CDH13: variants seen among roughly 807,000 people sequenced by gnomAD.
The protein encoded by CDH13 is cadherin 13.
A neutral mutation model predicts 63.8 loss-of-function variants in CDH13; 24 were observed. The observed-to-expected ratio is 0.38, with a 90% confidence interval of 0.27 to 0.53. The LOEUF is 0.53. Among genes scored for constraint, CDH13 ranks in the 20% least tolerant of loss-of-function variants. The pLI is 0.85. For synonymous variants in CDH13, 503 were observed against 355.3 expected (o/e 1.42, Z -4.67); for missense variants, 1,049 against 903.1 (o/e 1.16, Z -2.07).
intron 2 of CDH13, among the ~76,000 whole-genome samples, chr16:83,025,242 A>G (rs1017569545): frequency 6.6e-6 from 1 of 152,174 alleles, no homozygotes; most frequent in South Asian, 2.1e-4. Flanking sequence ...TGCCCACTCT[A>G]TGGATAAAGA....
chr16:83,330,692 C>T (rs1046643618), intron 5 of CDH13, among the ~76,000 whole-genome samples: 1 of 152,154 alleles, frequency 6.6e-6, no homozygotes, highest in Non-Finnish European at 1.5e-5. Flanking sequence ...TGGTACTGAC[C>T]ACCTTCCTCA....
At chr16:83,774,910 A>G (rs1021679615) in intron 11 of CDH13, among the ~76,000 whole-genome samples, 7 of 152,038 alleles carry the variant, frequency 4.6e-5, no homozygotes, top group African/African-American at 1.4e-4. Flanking sequence ...TGAACTGTAC[A>G]CTTCAAAGTG....
At chr16:82,749,171 G>C (rs575480105) in intron 1 of CDH13, among the ~76,000 whole-genome samples, 21 of 152,070 alleles carry the variant, frequency 1.4e-4, no homozygotes, top group Non-Finnish European at 2.8e-4. Flanking sequence ...GAGAGAGAGA[G>C]AGACAGAGAG....
chr16:83,344,120 T>A (rs1177988416), intron 5 of CDH13, among the ~76,000 whole-genome samples: 3 of 152,228 alleles, frequency 2.0e-5, no homozygotes, highest in African/African-American at 7.2e-5. Flanking sequence ...ATTACTCTTA[T>A]CGCTGAGTTA....
At chr16:82,834,517 C>T (rs974282581) in intron 1 of CDH13, among the ~76,000 whole-genome samples, 4 of 152,256 alleles carry the variant, frequency 2.6e-5, no homozygotes, top group East Asian at 1.9e-4. Context: ...ATTGGTGAAG[C>T]GTAGTCATTC....
chr16:82,874,054 G>A (rs1028583837), intron 2 of CDH13, among the ~76,000 whole-genome samples: 2 of 66,770 alleles, frequency 3.0e-5, no homozygotes, highest in Non-Finnish European at 5.6e-5. Flanking sequence ...ATAATAAGAT[G>A]CACACATTGT....
At chr16:83,435,460 A>T (rs2072266614) in intron 6 of CDH13, among the ~76,000 whole-genome samples, 1 of 151,778 alleles carries the variant, frequency 6.6e-6, no homozygotes, top group South Asian at 2.1e-4. Flanking sequence ...GCAACATCTA[A>T]CTCTGATGTG....
intron 5 of CDH13, among the ~76,000 whole-genome samples, chr16:83,311,341 T>A (rs191974459): frequency 2.0e-5 from 3 of 151,862 alleles, no homozygotes; most frequent in African/African-American, 7.3e-5. Flanking sequence ...AAAAAAAAAT[T>A]AAAAAGTAAA....
chr16:82,813,408 TC>T (rs1299046349), intron 1 of CDH13, among the ~76,000 whole-genome samples: 3 of 152,140 alleles, frequency 2.0e-5, no homozygotes, highest in Non-Finnish European at 4.4e-5. Context: ...GTTGCATGAC[TC>T]TCAAGATGCA....
At chr16:83,291,473 C>G (rs1045283999) in intron 5 of CDH13, among the ~76,000 whole-genome samples, 76 of 152,136 alleles carry the variant, frequency 5.0e-4, no homozygotes, top group Admixed American at 6.6e-4. Flanking sequence ...AAAATTGGGA[C>G]AAAGTCATCA....
At chr16:83,414,934 G>A (rs1174231313) in intron 6 of CDH13, among the ~76,000 whole-genome samples, 1 of 151,914 alleles carries the variant, frequency 6.6e-6, no homozygotes, top group African/African-American at 2.4e-5. Context: ...CAATATTTTT[G>A]GACAAATACC....
chr16:82,648,283 C>T (rs966976282), intron 1 of CDH13, among the ~76,000 whole-genome samples: 15 of 152,056 alleles, frequency 9.9e-5, no homozygotes, highest in African/African-American at 2.4e-4. Flanking sequence ...AAAATATGTA[C>T]AAAATACATT....
At chr16:83,245,769 G>A (rs1205716036) in intron 5 of CDH13, among the ~76,000 whole-genome samples, 1 of 151,964 alleles carries the variant, frequency 6.6e-6, no homozygotes, top group Non-Finnish European at 1.5e-5. Context: ...CTGAGGCAGG[G>A]TCTCACCCTG....
intron 2 of CDH13, among the ~76,000 whole-genome samples, chr16:82,905,044 C>T (rs1039544616): frequency 6.6e-6 from 1 of 152,138 alleles, no homozygotes; most frequent in Non-Finnish European, 1.5e-5. Flanking sequence ...TTGGACTCTT[C>T]CCTAGAAGCA....
In CDH13 at chr16:83,130,160, A is replaced by C. The variant is rs567301721; in HGVS notation, c.483+4659A>C. On this transcript the variant is annotated intron_variant, in intron 4 of 13. Transcript: ENST00000567109. The stretch of plus-strand genomic sequence containing the variant: ...TTACAAAAGAGGTGACAATATCAGC[A>C]CATAGTCATTATTTGTCCAGCACTG... Among the ~76,000 whole-genome samples the C allele has an allele frequency of 1.6e-3, 249 of 152,356 alleles. 2 individuals are homozygous for C. Among genetic ancestry groups the C allele is most frequent in the Admixed American group, 0.016 (246 of 15,300 alleles).
chr16:82,859,860 C>G (rs561397345), intron 2 of CDH13: 1 of 152,126 alleles, frequency 6.6e-6, no homozygotes, highest in Admixed American at 6.5e-5. Flanking sequence ...AAGGTGAAGC[C>G]CGTGCACCTC....
At chr16:83,450,009 C>A (rs985250056) in intron 6 of CDH13, among the ~76,000 whole-genome samples, 1 of 152,166 alleles carries the variant, frequency 6.6e-6, no homozygotes, top group Non-Finnish European at 1.5e-5. Context: ...GATAGTTCCC[C>A]CGCCCCGACC....
At chr16:82,779,880 T>C (rs1324549429) in intron 1 of CDH13, among the ~76,000 whole-genome samples, 4 of 152,128 alleles carry the variant, frequency 2.6e-5, no homozygotes, top group Non-Finnish European at 4.4e-5. Context: ...CGAGGTAACT[T>C]TGACAACCCC....
chr16:82,987,426 G>C (rs1465309182), intron 2 of CDH13, among the ~76,000 whole-genome samples: 2 of 152,126 alleles, frequency 1.3e-5, no homozygotes, highest in Admixed American at 6.6e-5. Flanking sequence ...TCCCAGGCTG[G>C]AATACAGTGT....
Sources: gnomAD v4.1 joint callset for allele counts (sites outside exome capture counted in the v4.1 genomes callset) on GRCh38, gnomAD v4.1.1 for gene constraint, MANE v1.5 for transcripts, NCBI Gene and HGNC (gene_info 2026-07-23, HGNC 2026-07-21) for gene names.